ITIH1: variants seen among roughly 807,000 people sequenced by gnomAD.
ITIH1 encodes inter-alpha-trypsin inhibitor heavy chain H1.
Under a neutral mutation model 104.6 loss-of-function variants are expected in ITIH1, and 94 were observed. The observed-to-expected ratio is 0.90, with a 90% CI of 0.76 to 1.07. The LOEUF (loss-of-function observed/expected upper bound fraction) is 1.07, where lower values mean the gene tolerates loss of function less well. ITIH1 is among the 50% of genes least tolerant of loss of function. The probability of loss-of-function intolerance (pLI) is 0.00; values close to 1 mark genes in which losing one functional copy is unlikely to be tolerated. For missense variants in ITIH1, 1,193 were observed against 1,181.4 expected, an observed-to-expected ratio of 1.01 and a Z score of -0.14; for synonymous variants, 455 against 464.4, an observed-to-expected ratio of 0.98 and a Z score of 0.26.
In ITIH1 at chr3:52,786,994, C is replaced by T. The variant is rs757375117; in HGVS notation, c.1783C>T (p.Gln595Ter). 11 of 1,614,000 alleles carry T rather than the reference C, an allele frequency of 6.8e-6. No individual in the cohort carries two copies. Among genetic ancestry groups the T allele is most frequent in the Admixed American group, 5.0e-5 (3 of 59,998 alleles). Residue 595 changes from glutamine to a stop codon, truncating the protein, a stop_gained, in exon 14 of 22, where the codon CAG (glutamine) becomes TAG (stop). Transcript: ENST00000273283. LOFTEE classifies it high-confidence loss of function. ...ERANLSSQAL[Q>*]MSLDYGFVTP... The stretch of plus-strand genomic sequence containing the variant: ...GGCCAACCTGTCATCCCAGGCCCTG[C>T]AGATGTCGCTGGACTATGGGTTTGT...
intron 3 of ITIH1, 165 bp downstream of exon 3, chr3:52,778,671 G>GTGCT: frequency 1.4e-6 from 2 of 1,448,916 alleles, no homozygotes; most frequent in Non-Finnish European, 1.8e-6. Flanking sequence ...CTTTAGGTCT[G>GTGCT]TGCTTGGCTC....
Position 52,785,070 on chromosome 3 carries a change from C to T in ITIH1, c.1434C>T (p.Pro478=), listed in dbSNP as rs763191440. Residue 478 remains proline, a synonymous_variant, in exon 12 of 22, where the codon CCC becomes CCT. Coordinates refer to ENST00000273283, the MANE Select transcript of ITIH1 (RefSeq NM_002215.4). ...LQGFYSQVAK[P]LLVDVDLQYP... Reference sequence around the variant, plus strand: ...GTTTCTACAGCCAGGTAGCCAAACCCCTGCTGGTGGATGTGGATTTGCAGT... The same window carrying T: ...GTTTCTACAGCCAGGTAGCCAAACCTCTGCTGGTGGATGTGGATTTGCAGT... 6.2e-7 allele frequency: 1 copy of T among 1,614,052 alleles called. No homozygotes were observed. Among genetic ancestry groups the T allele is most frequent in the East Asian group, 2.2e-5 (1 of 44,886 alleles).
chr3:52,783,369 T>C (rs770283883), intron 10 of ITIH1, 30 bp downstream of exon 10: 3 of 1,608,156 alleles, frequency 1.9e-6, no homozygotes, highest in Non-Finnish European at 2.5e-6. Flanking sequence ...CCTTGGGAGG[T>C]AGTGATCTCC....
intron 18 of ITIH1, among the ~76,000 whole-genome samples, chr3:52,788,918 C>T (rs1258617880): frequency 1.3e-5 from 2 of 151,838 alleles, no homozygotes; most frequent in African/African-American, 4.8e-5. Flanking sequence ...AACAAGGGGC[C>T]CTTCCTTTTT....
At chr3:52,781,247 CTT>C (rs1699042452) in intron 6 of ITIH1, among the ~76,000 whole-genome samples, 1 of 96,248 alleles carries the variant, frequency 1.0e-5, no homozygotes, top group Non-Finnish European at 2.4e-5. Flanking sequence ...TCTTCTTCTT[CTT>C]CTTCTTCTTC....
At chr3:52,780,181 C>A in intron 5 of ITIH1, 88 bp from the exon 6 acceptor site, 2 of 1,137,126 alleles carry the variant, frequency 1.8e-6, no homozygotes, top group Non-Finnish European at 2.5e-6. Context: ...AGGAGGACGG[C>A]TTGAGCCCAG....
chr3:52,790,263 A>AATTC (rs1390438638), intron 19 of ITIH1: 9 of 260,416 alleles, frequency 3.5e-5, no homozygotes, highest in Admixed American at 1.7e-4. Flanking sequence ...TTCCTTTACT[A>AATTC]ATTCGTTCAT....
At chr3:52,780,503 A>G (rs935590854) in intron 6 of ITIH1, 121 bp downstream of exon 6, 6 of 657,506 alleles carry the variant, frequency 9.1e-6, no homozygotes, top group Non-Finnish European at 1.1e-5. Flanking sequence ...TGCCCTCAGG[A>G]TGAGAGAAGC....
At position 52,786,855 on chromosome 3, in the gene ITIH1, T is replaced by TGAATGAATGAAA. The variant is rs1699216232; in HGVS notation, c.1734-79_1734-78insAGAATGAATGAA. On this transcript the variant is annotated intron_variant, in intron 13 of 21. Coordinates refer to ENST00000273283, the MANE Select transcript of ITIH1 (RefSeq NM_002215.4). ...CTTATGTGTCGAATGAATGAATGAA[T>TGAATGAATGAAA]GAATGAATGAATGAATAAGTGAATG... The TGAATGAATGAAA allele has an allele frequency of 2.9e-6, 4 of 1,382,328 alleles. No individual in the cohort carries two copies. The Admixed American group carries it at 6.6e-5, about 23-fold the overall frequency. 85.6% of individuals were successfully genotyped at this position (1,382,328 alleles called of 1,614,324 possible).
rs1325833221 is a variant in ITIH1, at chr3:52,786,945, G to C, written c.1734G>C (p.Arg578=). 1.4e-5 allele frequency: 22 copies of C among 1,610,980 alleles called. No homozygotes were observed. Among genetic ancestry groups the C allele is most frequent in the Non-Finnish European group, 1.8e-5 (21 of 1,178,130 alleles). ...GAGCCAGCCTCTGTCTTGAATGCAGGATGAAGGTGGACAGGGAGGAGAGGG... is the reference window on the plus strand; with the variant it reads ...GAGCCAGCCTCTGTCTTGAATGCAGCATGAAGGTGGACAGGGAGGAGAGGG... The part of the protein sequence containing the change: ...YLTIQELLAK[R]MKVDREERAN... Residue 578 remains arginine (R), a splice_region_variant and synonymous_variant, in exon 14 of 22, where the codon CGG becomes CGC. Transcript: ENST00000273283.
At chr3:52,787,889 C>T (rs1467675760) in intron 16 of ITIH1, 97 bp from the exon 17 acceptor site, 20 of 1,264,296 alleles carry the variant, frequency 1.6e-5, no homozygotes, top group Non-Finnish European at 2.3e-5. Context: ...TGGCCTCAGG[C>T]CAGCCCCACC....
At position 52,779,611 on chromosome 3, in the gene ITIH1, G is replaced by A. The variant is rs369548960; in HGVS notation, c.573+17G>A. Reference sequence around the variant, plus strand: ...CATTTTGAGGTAGATCACAGGTCCCGGGGCAGGGGTCCTGCCCCTCTCTCC... The same window carrying A: ...CATTTTGAGGTAGATCACAGGTCCCAGGGCAGGGGTCCTGCCCCTCTCTCC... On this transcript the variant is annotated intron_variant, in intron 5 of 21. Transcript: ENST00000273283. This position sits in a 1 kb window ranked among gnomAD's most constrained non-coding sequence, Gnocchi z 4.4. 2.4e-4 allele frequency: 387 copies of A among 1,613,676 alleles called. 1 individual carries two copies. The highest frequency in any genetic ancestry group is 8.3e-4 in the Middle Eastern group (5 of 6,044).
rs1486817283 is a variant in ITIH1 at position 52,778,377 on chromosome 3, A to C, written c.176A>C (p.Asn59Thr). 1.2e-6 allele frequency: 2 copies of C among 1,614,216 alleles called. No individual in the cohort carries two copies. Among genetic ancestry groups the C allele is most frequent in the Admixed American group, 3.3e-5 (2 of 60,024 alleles). Residue 59 changes from asparagine (N) to threonine (T), a missense_variant, in exon 3 of 22, where the codon AAC (asparagine) becomes ACC (threonine). By Grantham distance (65) the Asn-to-Thr change is moderately conservative. Coordinates refer to ENST00000273283, the MANE Select transcript of ITIH1 (RefSeq NM_002215.4). ...GTGTTCATCCGGAGTTTGAAAGTCA[A>C]CTGCAAAGTCACCTCTCGCTTCGCC... Reference protein sequence around the residue: ...DGVFIRSLKVNCKVTSRFAHY... With the variant: ...DGVFIRSLKVTCKVTSRFAHY...
rs1234447238 is a variant in ITIH1, at chr3:52,781,205, TTTTTTCTTCTTC to T, written c.688-732_688-721del. On this transcript the variant is annotated intron_variant, in intron 6 of 21. Coordinates refer to ENST00000273283, the MANE Select transcript of ITIH1 (RefSeq NM_002215.4). ...CTTCACCTCCTCCTCTTCTTTTTTT[TTTTTTCTTCTTC>T]TTCTTCTTCTTCTTCTTCTTCTTCT... Among the ~76,000 whole-genome samples, 83 of 72,346 alleles carry T rather than the reference TTTTTTCTTCTTC, an allele frequency of 1.1e-3. 7 individuals are homozygous for T. The highest frequency in any genetic ancestry group is 2.5e-3 in the East Asian group (7 of 2,764). The allele number at this position is 72,346 out of a possible 152,430, so 47.5% of individuals were successfully genotyped here. A position where few individuals can be genotyped will look rare whatever the true frequency, so the allele number is the denominator to read the frequency against.
At chr3:52,790,546 C>T (rs1699325755) in intron 19 of ITIH1, 1 of 570,890 alleles carries the variant, frequency 1.8e-6, no homozygotes, top group Admixed American at 3.4e-5. Flanking sequence ...GCACAGAGGG[C>T]TTAGCACAGG....
intron 6 of ITIH1, among the ~76,000 whole-genome samples, chr3:52,781,219 T>C (rs1465311080): frequency 2.3e-5 from 1 of 43,444 alleles, no homozygotes; most frequent in African/African-American, 8.7e-5. Flanking sequence ...TTCTTCTTCT[T>C]CTTCTTCTTC....
At chr3:52,783,363 G>T in intron 10 of ITIH1, 24 bp downstream of exon 10, 3 of 1,611,012 alleles carry the variant, frequency 1.9e-6, no homozygotes, top group Non-Finnish European at 2.5e-6. Context: ...GGGCTGCCTT[G>T]GGAGGTAGTG....
chr3:52,781,659 A>G (rs1413833591), intron 6 of ITIH1, among the ~76,000 whole-genome samples: 1 of 152,062 alleles, frequency 6.6e-6, no homozygotes, highest in Non-Finnish European at 1.5e-5. Flanking sequence ...GATGTATCAC[A>G]TTGCTATTAT....
intron 8 of ITIH1, 48 bp downstream of exon 8, chr3:52,782,315 C>G (rs1257729825): frequency 1.4e-6 from 2 of 1,391,546 alleles, no homozygotes; most frequent in African/African-American, 1.4e-5. Context: ...TTCCACAGCC[C>G]CATCACTCAC....
Sources: gnomAD v4.1 joint callset for allele counts (sites outside exome capture counted in the v4.1 genomes callset) on GRCh38, gnomAD v4.1.1 for gene constraint, Gnocchi (gnomAD v3.1) non-coding constraint, MANE v1.5 for transcripts, NCBI Gene and HGNC (gene_info 2026-07-23, HGNC 2026-07-21) for gene names.